RBFOX3: variants seen among roughly 807,000 people sequenced by gnomAD.
RBFOX3 encodes the protein RNA binding protein fox-1 homolog 3.
In RBFOX3, 17 loss-of-function variants were observed where a neutral mutation model predicts 48.7. The ratio of observed to expected loss-of-function variants is 0.35; its 90% CI spans 0.24 to 0.52. The LOEUF is 0.52. RBFOX3 is among the 20% of genes least tolerant of loss of function. The pLI is 0.94. For synonymous variants in RBFOX3, 212 were observed against 209.5 expected (o/e 1.01, Z -0.10); for missense variants, 382 against 497.5 (o/e 0.77, Z 2.21).
the RBFOX3 span, among the ~76,000 whole-genome samples, chr17:79,656,735 AAAG>A: frequency 2.8e-5 from 2 of 70,276 alleles, no homozygotes; most frequent in South Asian, 9.7e-4. Flanking sequence ...GAAAGAAAGA[AAAG>A]AAAGAAAGAA....
At chr17:79,414,295 T>C (rs2064951518) in intron 2 of RBFOX3, among the ~76,000 whole-genome samples, 1 of 152,182 alleles carries the variant, frequency 6.6e-6, no homozygotes, top group South Asian at 2.1e-4. Context: ...ATGGAGACTA[T>C]TAAAAATAGA....
At chr17:79,136,425 A>G (rs78736098) in intron 4 of RBFOX3, 4,551 of 152,416 alleles carry the variant, frequency 0.03, 223 homozygotes, top group African/African-American at 0.1. Flanking sequence ...CGTGGGGAGG[A>G]AGGAGGACGT....
chr17:79,332,496 G>C (rs1832835641), intron 2 of RBFOX3, among the ~76,000 whole-genome samples: 2 of 151,356 alleles, frequency 1.3e-5, no homozygotes, highest in Admixed American at 1.3e-4. Context: ...TGAGAGACGG[G>C]GTGCAGAGGG....
intron 2 of RBFOX3, among the ~76,000 whole-genome samples, chr17:79,437,132 C>G (rs923349912): frequency 7.2e-5 from 11 of 152,162 alleles, no homozygotes; most frequent in Admixed American, 2.0e-4. Context: ...CCTCCGCTTT[C>G]TCTCCTCTGG....
chr17:79,514,222 C>T (rs2084928006), intron 1 of RBFOX3, among the ~76,000 whole-genome samples: 1 of 152,152 alleles, frequency 6.6e-6, no homozygotes, highest in Non-Finnish European at 1.5e-5. Flanking sequence ...CACCTCCCAG[C>T]GTCCACACAG....
At chr17:79,123,092 G>T (rs930042768) in intron 4 of RBFOX3, among the ~76,000 whole-genome samples, 7 of 151,858 alleles carry the variant, frequency 4.6e-5, no homozygotes, top group African/African-American at 1.5e-4. Flanking sequence ...GGAAGGTGGG[G>T]ATGGTTAATG....
At position 79,477,485 on chromosome 17, in the gene RBFOX3, G is replaced by A. The variant is rs1309959894; in HGVS notation, c.-175+4969C>T. Among the ~76,000 whole-genome samples the A allele has an allele frequency of 9.9e-5, 15 of 151,980 alleles. No individual in the cohort carries two copies. The highest frequency in any genetic ancestry group is 2.1e-4 in the Non-Finnish European group (14 of 67,994). On this transcript the variant is annotated intron_variant, in intron 2 of 14. Transcript: ENST00000693108. This position sits in a 1 kb window ranked among gnomAD's most constrained non-coding sequence, Gnocchi z 4.8. Reference sequence around the variant, plus strand: ...GCAGGAGAATGGCGTGAACCCGGGAGGCGGAGTTTGCAGTGAGCTGAGATC... The same window carrying A: ...GCAGGAGAATGGCGTGAACCCGGGAAGCGGAGTTTGCAGTGAGCTGAGATC...
intron 2 of RBFOX3, among the ~76,000 whole-genome samples, chr17:79,401,213 G>A (rs967213137): frequency 1.1e-4 from 16 of 152,196 alleles, no homozygotes; most frequent in Non-Finnish European, 2.1e-4. Flanking sequence ...TCGGGGCTCC[G>A]CGGTCAGGTT....
intron 1 of RBFOX3, among the ~76,000 whole-genome samples, chr17:79,585,353 C>T (rs1417541341): frequency 1.3e-5 from 2 of 151,748 alleles, no homozygotes; most frequent in Admixed American, 6.6e-5. Context: ...GTCAGTAGTC[C>T]GAGACCAGCC....
intron 2 of RBFOX3, among the ~76,000 whole-genome samples, chr17:79,430,606 C>T (rs1270823874): frequency 3.9e-5 from 6 of 152,324 alleles, no homozygotes; most frequent in South Asian, 2.1e-4. Flanking sequence ...AGTACAGTGG[C>T]GCCATCTCAG....
At chr17:79,523,358 T>A (rs927148463) in intron 1 of RBFOX3, among the ~76,000 whole-genome samples, 1 of 152,232 alleles carries the variant, frequency 6.6e-6, no homozygotes, top group Non-Finnish European at 1.5e-5. Context: ...AGTGTGGAAC[T>A]GAACTTGCCT....
Position 79,214,996 on chromosome 17 carries a change from C to T in RBFOX3, c.-34+20770G>A. On this transcript the variant is annotated intron_variant, in intron 4 of 14. Coordinates refer to ENST00000693108, the MANE Select transcript of RBFOX3 (RefSeq NM_001350451.2). The surrounding 1 kb of genome is among the most constrained non-coding windows in gnomAD (Gnocchi z 4.7). The stretch of plus-strand genomic sequence containing the variant: ...GCCACCCGCTGGTGCTGCCCCCACA[C>T]CCGTCACTCCTGCACAAGACCCAGC... 6.6e-6 allele frequency among the ~76,000 whole-genome samples: 1 copy of T among 152,198 alleles called. No individual in the cohort carries two copies. Among genetic ancestry groups the T allele is most frequent in the Non-Finnish European group, 1.5e-5 (1 of 68,034 alleles).
intron 2 of RBFOX3, among the ~76,000 whole-genome samples, chr17:79,370,236 G>A (rs1423390645): frequency 1.3e-5 from 2 of 152,216 alleles, no homozygotes; most frequent in Admixed American, 1.3e-4. Flanking sequence ...GATTCCCCAA[G>A]GAAGCAAAGC....
In RBFOX3 at chr17:79,090,860, C is replaced by A; in HGVS notation, c.*23G>T. 3.9e-6 allele frequency: 6 copies of A among 1,519,166 alleles called. No homozygotes were observed. Among genetic ancestry groups the A allele is most frequent in the Non-Finnish European group, 5.3e-6 (6 of 1,134,870 alleles). 94.1% of individuals were successfully genotyped at this position (1,519,166 alleles called of 1,614,324 possible). ...TTTTTTGTTTTTGCCCTTCATGGTC[C>A]GAGAAGGAAACGGTGGAAGGTTTCA... On this transcript the variant is annotated 3_prime_UTR_variant, in exon 15 of 15. Transcript: ENST00000693108.
the RBFOX3 span, among the ~76,000 whole-genome samples, chr17:79,652,694 G>T: frequency 0.93 from 138,898 of 149,400 alleles, 65,379 homozygotes; most frequent in Non-Finnish European, 1. Context: ...TGTACAGTCG[G>T]TTTTTGTTTG....
At chr17:79,560,580 A>C (rs2144173089) in intron 1 of RBFOX3, among the ~76,000 whole-genome samples, 1 of 152,152 alleles carries the variant, frequency 6.6e-6, no homozygotes, top group South Asian at 2.1e-4. Flanking sequence ...AAGAATACGC[A>C]CTCCAGGGAT....
chr17:79,351,359 C>G (rs2083909152), intron 2 of RBFOX3, among the ~76,000 whole-genome samples: 2 of 152,182 alleles, frequency 1.3e-5, no homozygotes. Flanking sequence ...CAGCCACATG[C>G]TTTACATTCC....
chr17:79,533,115 T>C (rs2088098410), intron 1 of RBFOX3, among the ~76,000 whole-genome samples: 1 of 152,234 alleles, frequency 6.6e-6, no homozygotes, highest in Non-Finnish European at 1.5e-5. Context: ...CCCCATTTTC[T>C]AGATGAAGGA....
chr17:79,386,320 A>G (rs1486940121), intron 2 of RBFOX3, among the ~76,000 whole-genome samples: 3 of 151,026 alleles, frequency 2.0e-5, no homozygotes, highest in African/African-American at 7.3e-5. Context: ...TGACAGAAGG[A>G]GGCTCCATCA....
Sources: allele counts gnomAD v4.1 joint callset (sites outside exome capture counted in the v4.1 genomes callset), GRCh38; gene constraint gnomAD v4.1.1; non-coding constraint Gnocchi (gnomAD v3.1); transcripts MANE v1.5; gene names NCBI Gene and HGNC (gene_info 2026-07-23, HGNC 2026-07-21).